Variants in IPO11 observed in about 807,000 individuals in gnomAD.
The protein encoded by IPO11 is importin-11.
Under a neutral mutation model 143.2 loss-of-function variants are expected in IPO11, and 66 were observed. The observed-to-expected ratio is 0.46, with a 90% CI of 0.38 to 0.57. The LOEUF is 0.57. IPO11 is among the 20% of genes least tolerant of loss of function. IPO11 has a pLI of 0.00. For synonymous variants in IPO11, 385 were observed against 377.8 expected (o/e 1.02, Z -0.22); for missense variants, 1,026 against 1,141.0 (o/e 0.90, Z 1.45).
At chr5:62,612,263 A>G (rs932665240) in intron 29 of IPO11, among the ~76,000 whole-genome samples, 1 of 152,218 alleles carries the variant, frequency 6.6e-6, no homozygotes, top group African/African-American at 2.4e-5. Context: ...GTAAAGATTT[A>G]TTCAGAGAGT....
At chr5:62,556,478 C>T (rs1743579968) in intron 26 of IPO11, among the ~76,000 whole-genome samples, 1 of 152,094 alleles carries the variant, frequency 6.6e-6, no homozygotes, top group Admixed American at 6.5e-5. Context: ...TGGCACATGC[C>T]TTGTAATCAC....
intron 10 of IPO11, 79 bp from the exon 11 acceptor site, chr5:62,483,931 T>C: frequency 8.1e-7 from 1 of 1,229,342 alleles, no homozygotes; most frequent in South Asian, 1.4e-5. Flanking sequence ...GAGTGTATTT[T>C]TTATTTATTT....
intron 5 of IPO11, among the ~76,000 whole-genome samples, chr5:62,459,456 GAGAT>G (rs1255612570): frequency 6.6e-6 from 1 of 152,038 alleles, no homozygotes; most frequent in Non-Finnish European, 1.5e-5. Flanking sequence ...AATTGCTTTT[GAGAT>G]AGATCTTGTA....
At chr5:62,492,753 G>T (rs1032461379) in intron 15 of IPO11, among the ~76,000 whole-genome samples, 2 of 152,002 alleles carry the variant, frequency 1.3e-5, no homozygotes, top group Non-Finnish European at 1.5e-5. Flanking sequence ...GGCCAGGCTG[G>T]TCTCAAACTC....
At position 62,451,629 on chromosome 5, in the gene IPO11, A is replaced by G. The variant is rs555957565; in HGVS notation, c.313-101A>G. 3 of 874,190 alleles carry G rather than the reference A, an allele frequency of 3.4e-6. No individual in the cohort carries two copies. In the African/African-American group the frequency reaches 5.0e-5, roughly 15 times the overall value. 54.2% of individuals were successfully genotyped at this position (874,190 alleles called of 1,614,324 possible). ...TTAAGCAGTCATTCAGTGAAATCGTATTCATTTTTGTCAAGTGTATAATTA... is the reference window on the plus strand; with the variant it reads ...TTAAGCAGTCATTCAGTGAAATCGTGTTCATTTTTGTCAAGTGTATAATTA... On this transcript the variant is annotated intron_variant, in intron 4 of 29. Coordinates refer to ENST00000325324, the MANE Select transcript of IPO11 (RefSeq NM_016338.5).
At chr5:62,428,199 C>CTT (rs879775709) in intron 1 of IPO11, among the ~76,000 whole-genome samples, 12 of 146,766 alleles carry the variant, frequency 8.2e-5, no homozygotes, top group Non-Finnish European at 1.8e-4. Flanking sequence ...ACCGTAGACA[C>CTT]TTTTTTTTTT....
In IPO11 at chr5:62,524,813, T is replaced by C. The variant is rs539163436; in HGVS notation, c.1897-1329T>C. On this transcript the variant is annotated intron_variant, in intron 20 of 29. Transcript: ENST00000325324. ...TGTCATCAAAAGGGGAATACATATA[T>C]ACTGTGTGGCATTGTAATTTGCTTT... 2.0e-5 allele frequency among the ~76,000 whole-genome samples: 3 copies of C among 152,350 alleles called. No homozygotes were observed. In the East Asian group the frequency reaches 5.8e-4, roughly 29 times the overall value.
chr5:62,566,828 G>C (rs894770668), intron 27 of IPO11, among the ~76,000 whole-genome samples: 1 of 151,722 alleles, frequency 6.6e-6, no homozygotes, highest in Non-Finnish European at 1.5e-5. Context: ...TTTTGTCTGT[G>C]TAGTTTAAAA....
intron 7 of IPO11, among the ~76,000 whole-genome samples, chr5:62,473,383 G>C (rs1440554143): frequency 6.6e-6 from 1 of 152,162 alleles, no homozygotes; most frequent in Non-Finnish European, 1.5e-5. Context: ...GACAGAGGAA[G>C]AGGTTTACTA....
chr5:62,500,084 A>G (rs1363601841), intron 16 of IPO11, among the ~76,000 whole-genome samples: 4 of 152,214 alleles, frequency 2.6e-5, no homozygotes, highest in African/African-American at 4.8e-5. Context: ...CAGGAATTCA[A>G]TACCAGTTTG....
intron 28 of IPO11, among the ~76,000 whole-genome samples, chr5:62,594,018 T>G (rs1745125816): frequency 6.6e-6 from 1 of 152,190 alleles, no homozygotes; most frequent in Non-Finnish European, 1.5e-5. Flanking sequence ...CCCCTTCCTG[T>G]TTATTTAAAC....
intron 19 of IPO11, among the ~76,000 whole-genome samples, chr5:62,508,818 A>G (rs1235170000): frequency 1.3e-5 from 2 of 151,416 alleles, no homozygotes; most frequent in Non-Finnish European, 2.9e-5. Context: ...ATGTGTTCTC[A>G]TTGTTCAACT....
intron 2 of IPO11, among the ~76,000 whole-genome samples, chr5:62,440,134 A>G (rs1428823256): frequency 6.6e-6 from 1 of 152,188 alleles, no homozygotes; most frequent in Non-Finnish European, 1.5e-5. Flanking sequence ...TCAATGTAGT[A>G]TAGAAGGTGG....
chr5:62,515,757 A>G (rs544949104), intron 20 of IPO11, among the ~76,000 whole-genome samples: 2 of 152,316 alleles, frequency 1.3e-5, no homozygotes, highest in Non-Finnish European at 1.5e-5. Context: ...CTCATGGTTC[A>G]TGCAGTCCAT....
intron 25 of IPO11, among the ~76,000 whole-genome samples, chr5:62,551,019 G>GTATATATATATATATATATA (rs373267363): frequency 6.9e-6 from 1 of 144,332 alleles, no homozygotes; most frequent in African/African-American, 2.6e-5. Flanking sequence ...TCTCTTTATT[G>GTATATATATATATATATATA]TATATATATA....
intron 1 of IPO11, among the ~76,000 whole-genome samples, chr5:62,428,199 CTT>C (rs879775709): frequency 6.8e-6 from 1 of 146,682 alleles, no homozygotes; most frequent in African/African-American, 2.5e-5. Flanking sequence ...ACCGTAGACA[CTT>C]TTTTTTTTTA....
intron 6 of IPO11, among the ~76,000 whole-genome samples, chr5:62,469,262 C>G (rs542222037): frequency 5.3e-5 from 8 of 152,058 alleles, no homozygotes; most frequent in South Asian, 2.1e-4. Context: ...CTTACGAAAA[C>G]GAGGAAAACT....
At chr5:62,483,905 G>A in intron 10 of IPO11, 105 bp from the exon 11 acceptor site, 2 of 934,652 alleles carry the variant, frequency 2.1e-6, no homozygotes, top group Admixed American at 2.9e-5. Context: ...ATACACAAGT[G>A]TATCTTCTTC....
At chr5:62,622,989 C>G (rs566333193) in intron 29 of IPO11, among the ~76,000 whole-genome samples, 13 of 152,206 alleles carry the variant, frequency 8.5e-5, no homozygotes, top group African/African-American at 3.1e-4. Context: ...ATTGCTGCGC[C>G]CTGTTGATTA....
Sources: gnomAD v4.1 joint callset for allele counts (sites outside exome capture counted in the v4.1 genomes callset) on GRCh38, gnomAD v4.1.1 for gene constraint, MANE v1.5 for transcripts, NCBI Gene and HGNC (gene_info 2026-07-23, HGNC 2026-07-21) for gene names.